The following DPP6 variants were observed in gnomAD, a reference collection of about 807,000 sequenced individuals.
DPP6 encodes the protein dipeptidyl peptidase like 6, also known as A-type potassium channel modulatory protein DPP6.
A neutral mutation model predicts 122.6 loss-of-function variants in DPP6; 69 were observed. That is an observed-to-expected ratio of 0.56 (90% confidence interval 0.46 to 0.69). The LOEUF (loss-of-function observed/expected upper bound fraction) is 0.69, where lower values mean the gene tolerates loss of function less well. Ranked by LOEUF, DPP6 falls within the 30% of genes least tolerant of loss-of-function variation. The probability of loss-of-function intolerance (pLI) is 0.00; values close to 1 mark genes in which losing one functional copy is unlikely to be tolerated. For synonymous variants in DPP6, 418 were observed against 433.1 expected, an observed-to-expected ratio of 0.97 and a Z score of 0.43; for missense variants, 928 against 1,116.9, an observed-to-expected ratio of 0.83 and a Z score of 2.41.
At chr7:153,907,705 C>T (rs1323509944) in intron 1 of DPP6, among the ~76,000 whole-genome samples, 2 of 152,194 alleles carry the variant, frequency 1.3e-5, no homozygotes, top group African/African-American at 2.4e-5. Flanking sequence ...AATTCTGCAG[C>T]AAATGGCCTC....
At chr7:154,749,173 CA>C (rs1563166443) in intron 8 of DPP6, among the ~76,000 whole-genome samples, 13 of 128,224 alleles carry the variant, frequency 1.0e-4, no homozygotes, top group African/African-American at 1.8e-4. Flanking sequence ...GAGCATAGGA[CA>C]GGAGGGAGAG....
intron 2 of DPP6, among the ~76,000 whole-genome samples, chr7:154,471,365 C>G (rs1351690792): frequency 3.3e-5 from 5 of 152,114 alleles, no homozygotes; most frequent in Non-Finnish European, 7.4e-5. Context: ...AGGTAAAAAC[C>G]TATGGCAGGA....
At chr7:154,395,961 AATC>A (rs2151175199) in intron 1 of DPP6, among the ~76,000 whole-genome samples, 1 of 138,376 alleles carries the variant, frequency 7.2e-6, no homozygotes, top group East Asian at 2.1e-4. Context: ...TTTTTTTTTT[AATC>A]ATAAAGCGCT....
chr7:154,245,840 A>T (rs757863132), intron 1 of DPP6, among the ~76,000 whole-genome samples: 4 of 151,734 alleles, frequency 2.6e-5, no homozygotes, highest in Non-Finnish European at 5.9e-5. Context: ...ATTCGCAGAT[A>T]TTTGGATATT....
At chr7:154,009,450 G>A (rs976268800) in intron 1 of DPP6, among the ~76,000 whole-genome samples, 40 of 142,028 alleles carry the variant, frequency 2.8e-4, no homozygotes, top group South Asian at 2.7e-3. Flanking sequence ...AGAATGCAGC[G>A]GGTTTCCAGA....
chr7:154,165,002 A>T (rs4410824), intron 1 of DPP6, among the ~76,000 whole-genome samples: 108,264 of 141,546 alleles, frequency 0.76, 39,897 homozygotes, highest in East Asian at 0.94. Flanking sequence ...ACTTTTTTTT[A>T]AAGTTTTTTT....
At chr7:153,971,529 T>G (rs1278078466) in intron 1 of DPP6, among the ~76,000 whole-genome samples, 2 of 140,682 alleles carry the variant, frequency 1.4e-5, no homozygotes, top group Non-Finnish European at 3.1e-5. Flanking sequence ...AAGTGTTCAG[T>G]ATTCATCCAT....
chr7:154,183,798 A>T (rs1357547268), intron 1 of DPP6, among the ~76,000 whole-genome samples: 1 of 152,160 alleles, frequency 6.6e-6, no homozygotes, highest in African/African-American at 2.4e-5. Context: ...TAGAGCCAGG[A>T]CTCCAAAACC....
At chr7:154,098,702 G>T (rs892858823) in intron 1 of DPP6, among the ~76,000 whole-genome samples, 1 of 148,474 alleles carries the variant, frequency 6.7e-6, no homozygotes, top group Non-Finnish European at 1.5e-5. Flanking sequence ...TCTATAGTTT[G>T]CCTGCATTTC....
intron 1 of DPP6, among the ~76,000 whole-genome samples, chr7:154,220,771 C>A (rs962928187): frequency 6.6e-6 from 1 of 152,126 alleles, no homozygotes; most frequent in Non-Finnish European, 1.5e-5. Context: ...TGGACTAAGA[C>A]AACTCATATG....
the DPP6 span, among the ~76,000 whole-genome samples, chr7:153,880,006 A>T: frequency 6.6e-6 from 1 of 152,130 alleles, no homozygotes; most frequent in African/African-American, 2.4e-5. Flanking sequence ...ATATATACAG[A>T]TTTTTGACTT....
intron 3 of DPP6, among the ~76,000 whole-genome samples, chr7:154,509,538 T>C (rs973066396): frequency 2.0e-5 from 3 of 152,100 alleles, no homozygotes; most frequent in African/African-American, 7.2e-5. Context: ...TAATGGAAAA[T>C]GGTGTAACCA....
intron 3 of DPP6, among the ~76,000 whole-genome samples, chr7:154,506,462 A>G (rs1480976048): frequency 6.6e-6 from 1 of 152,184 alleles, no homozygotes; most frequent in African/African-American, 2.4e-5. Flanking sequence ...TAATAATACA[A>G]CTATCTTAAA....
chr7:154,563,879 T>C (rs1046562572), intron 4 of DPP6, among the ~76,000 whole-genome samples: 6 of 152,122 alleles, frequency 3.9e-5, no homozygotes, highest in Non-Finnish European at 7.3e-5. Flanking sequence ...GCTGGAGACA[T>C]GAATGTTGGA....
intron 1 of DPP6, among the ~76,000 whole-genome samples, chr7:154,362,768 A>C (rs1006614377): frequency 6.6e-6 from 1 of 152,086 alleles, no homozygotes; most frequent in Non-Finnish European, 1.5e-5. Context: ...CCCTGAGCCA[A>C]CCTTGCACTC....
the DPP6 span, among the ~76,000 whole-genome samples, chr7:153,848,400 G>A: frequency 3.3e-5 from 5 of 152,018 alleles, no homozygotes; most frequent in African/African-American, 7.2e-5. Context: ...TGCTCTTAGA[G>A]AATTCAGCTG....
In DPP6 at chr7:154,821,539, C is replaced by A. The variant is rs192015919; in HGVS notation, c.1666+14427C>A. On this transcript the variant is annotated intron_variant, in intron 16 of 25. Coordinates refer to ENST00000377770, the MANE Select transcript of DPP6 (RefSeq NM_130797.4). This position sits in a 1 kb window ranked among gnomAD's most constrained non-coding sequence, Gnocchi z 4.2. ...TATCCAGCCTCGTAATGACACTACT[C>A]CTCTATCAGAGCTTTCAAACACTTT... Among the ~76,000 whole-genome samples the A allele has an allele frequency of 5.6e-4, 84 of 151,158 alleles. No individual in the cohort carries two copies. The highest frequency in any genetic ancestry group is 1.9e-3 in the African/African-American group (78 of 41,248).
At chr7:154,006,278 A>G (rs1250038953) in intron 1 of DPP6, among the ~76,000 whole-genome samples, 1 of 151,868 alleles carries the variant, frequency 6.6e-6, no homozygotes, top group African/African-American at 2.4e-5. Context: ...GGGCCCCAAG[A>G]TGTTGGGGTT....
chr7:154,709,941 G>A (rs1490321015), intron 7 of DPP6, among the ~76,000 whole-genome samples: 2 of 152,196 alleles, frequency 1.3e-5, no homozygotes, highest in African/African-American at 4.8e-5. Flanking sequence ...GGCCATGTGT[G>A]GACCAAGCAT....
Sources: allele counts gnomAD v4.1 joint callset (sites outside exome capture counted in the v4.1 genomes callset), GRCh38; gene constraint gnomAD v4.1.1; non-coding constraint Gnocchi (gnomAD v3.1); transcripts MANE v1.5; gene names NCBI Gene and HGNC (gene_info 2026-07-23, HGNC 2026-07-21).